Variants in SOST observed in about 807,000 individuals in gnomAD.
SOST encodes sclerostin, also known as sclerosteosis.
A neutral mutation model predicts 16.7 loss-of-function variants in SOST; 14 were observed. That is an observed-to-expected ratio of 0.84 (90% CI 0.55 to 1.31). The LOEUF is 1.31. SOST is among the 50% of genes most tolerant of loss of function. The pLI is 0.00. For synonymous variants in SOST, 150 were observed against 140.9 expected (o/e 1.06, Z -0.46); for missense variants, 291 against 310.7 (o/e 0.94, Z 0.48).
At chr17:43,757,004 C>A (rs556644658) in intron 1 of SOST, among the ~76,000 whole-genome samples, 5 of 152,328 alleles carry the variant, frequency 3.3e-5, no homozygotes, top group African/African-American at 1.2e-4. Flanking sequence ...GGCCACCCCC[C>A]ACCCCCACTC....
chr17:43,758,499 G>C, intron 1 of SOST, 23 bp downstream of exon 1: 3 of 1,589,970 alleles, frequency 1.9e-6, no homozygotes, highest in Non-Finnish European at 2.6e-6. Context: ...CTTTTACTAA[G>C]AATTCTCTCC....
At chr17:43,757,941 T>C (rs1373795149) in intron 1 of SOST, among the ~76,000 whole-genome samples, 1 of 152,192 alleles carries the variant, frequency 6.6e-6, no homozygotes, top group East Asian at 1.9e-4. Flanking sequence ...ACCAGGGCTA[T>C]CTTGCAGTTG....
rs879666342 is a variant in SOST, at chr17:43,755,588, G to C, written c.396C>G (p.Phe132Leu). ...CGCGGTAGCGGTCGGGGATGCAGCG[G>C]AAGTCGGGCCCACTAGGTCGCCACC... ...GKWWRPSGPD[F>L]RCIPDRYRAQ... The change falls in exon 2 of 2, where the codon TTC (phenylalanine) becomes TTG (leucine). Residue 132 changes from phenylalanine (F) to leucine (L), a missense_variant. By Grantham distance (22) the Phe-to-Leu change is conservative. Transcript: ENST00000301691. This position sits in a 1 kb window ranked among gnomAD's most constrained non-coding sequence, Gnocchi z 4.3. 2.4e-5 allele frequency: 39 copies of C among 1,592,396 alleles called. No individual in the cohort carries two copies. Among genetic ancestry groups the C allele is most frequent in the Non-Finnish European group, 3.1e-5 (36 of 1,175,392 alleles).
At chr17:43,757,290 T>C (rs1450808311) in intron 1 of SOST, among the ~76,000 whole-genome samples, 2 of 152,218 alleles carry the variant, frequency 1.3e-5, no homozygotes, top group Admixed American at 6.5e-5. Context: ...CATTTTGTGT[T>C]TGGGTTCCTT....
At chr17:43,758,204 G>A (rs1170354540) in intron 1 of SOST, among the ~76,000 whole-genome samples, 2 of 152,126 alleles carry the variant, frequency 1.3e-5, no homozygotes, top group Non-Finnish European at 2.9e-5. Flanking sequence ...ATTCCCAGGA[G>A]GAGATTCTTT....
At position 43,755,368 on chromosome 17, in the gene SOST, G is replaced by T; in HGVS notation, c.616C>A (p.Gln206Lys). 5.7e-6 allele frequency: 9 copies of T among 1,587,838 alleles called. No homozygotes were observed. Among genetic ancestry groups the T allele is most frequent in the Non-Finnish European group, 7.7e-6 (9 of 1,175,728 alleles). Residue 206 changes from glutamine to lysine, a missense_variant, in exon 2 of 2, where the codon CAG (glutamine) becomes AAG (lysine). Transcript: ENST00000301691. This position sits in a 1 kb window ranked among gnomAD's most constrained non-coding sequence, Gnocchi z 4.3. ...TAGTAGGCGTTCTCCAGCTCGGCCTGGTTGGCTTTGGCGCTCCGGGCGCGG... is the reference window on the plus strand; with the variant it reads ...TAGTAGGCGTTCTCCAGCTCGGCCTTGTTGGCTTTGGCGCTCCGGGCGCGG... ...RPRARSAKAN[Q>K]AELENAY
rs756754655 is a variant in SOST, at chr17:43,755,571, C to T, written c.413G>A (p.Arg138His). ...SGPDFRCIPD[R>H]YRAQRVQLLC... ...CAGCTGCACGCGCTGCGCGCGGTAG[C>T]GGTCGGGGATGCAGCGGAAGTCGGG... The change falls in exon 2 of 2, where the codon CGC becomes CAC. Residue 138 changes from arginine to histidine, a missense_variant. Coordinates refer to ENST00000301691, the MANE Select transcript of SOST (RefSeq NM_025237.3). The surrounding 1 kb of genome is among the most constrained non-coding windows in gnomAD (Gnocchi z 4.3). 1.3e-6 allele frequency: 2 copies of T among 1,593,942 alleles called. No homozygotes were observed. The highest frequency in any genetic ancestry group is 1.4e-5 in the African/African-American group (1 of 73,270).
Position 43,755,146 on chromosome 17 carries a change from C to T in SOST, c.*196G>A. 1.8e-6 allele frequency: 1 copy of T among 542,716 alleles called. No homozygotes were observed. Among genetic ancestry groups the T allele is most frequent in the Non-Finnish European group, 3.1e-6 (1 of 319,606 alleles). The allele number at this position is 542,716 out of a possible 1,614,324, so 33.6% of individuals were successfully genotyped here. The stretch of plus-strand genomic sequence containing the variant: ...CAATTCCCTCCCCTGCCCCGTGGGA[C>T]CCCTCAGCTGGCGGGCTGAGGGGGG... On this transcript the variant is annotated 3_prime_UTR_variant, in exon 2 of 2. Transcript: ENST00000301691. The surrounding 1 kb of genome is among the most constrained non-coding windows in gnomAD (Gnocchi z 4.3).
At position 43,754,123 on chromosome 17, in the gene SOST, T is replaced by C. The variant is rs1339413744; in HGVS notation, c.*1219A>G. ...GCATATGTACAGCACTTGTAGTTTT[T>C]CCCCCAATAATATTCTTTTAGTGTA... On this transcript the variant is annotated 3_prime_UTR_variant, in exon 2 of 2. Transcript: ENST00000301691. 6.6e-6 allele frequency: 1 copy of C among 152,200 alleles called. No individual in the cohort carries two copies. The highest frequency in any genetic ancestry group is 1.5e-5 in the Non-Finnish European group (1 of 68,030). The allele number at this position is 152,200 out of a possible 1,614,324, so 9.4% of individuals were successfully genotyped here.
Position 43,755,812 on chromosome 17 carries a change from G to T in SOST, c.221-49C>A. 1 of 1,532,950 alleles carries T rather than the reference G, an allele frequency of 6.5e-7. No individual in the cohort carries two copies. Among genetic ancestry groups the T allele is most frequent in the Non-Finnish European group, 8.7e-7 (1 of 1,145,746 alleles). The allele number at this position is 1,532,950 out of a possible 1,614,324, so 95.0% of individuals were successfully genotyped here. A position where few individuals can be genotyped will look rare whatever the true frequency, so the allele number is the denominator to read the frequency against. ...GGTGGCCGCCCGCCTGGCCACCCCT[G>T]CCCTGGACCGGCCCGTCTCTCTCCA... On this transcript the variant is annotated intron_variant, in intron 1 of 1. Coordinates refer to ENST00000301691, the MANE Select transcript of SOST (RefSeq NM_025237.3). This position sits in a 1 kb window ranked among gnomAD's most constrained non-coding sequence, Gnocchi z 4.3.
chr17:43,755,815 C>G lies in SOST; in HGVS notation c.221-52G>C, dbSNP rs1455166718. ...GGCCGCCCGCCTGGCCACCCCTGCC[C>G]TGGACCGGCCCGTCTCTCTCCACCC... On this transcript the variant is annotated intron_variant, in intron 1 of 1. Coordinates refer to ENST00000301691, the MANE Select transcript of SOST (RefSeq NM_025237.3). The surrounding 1 kb of genome is among the most constrained non-coding windows in gnomAD (Gnocchi z 4.3). 10 of 1,530,774 alleles carry G rather than the reference C, an allele frequency of 6.5e-6. No homozygotes were observed. The highest frequency in any genetic ancestry group is 8.7e-6 in the Non-Finnish European group (10 of 1,144,584). 94.8% of individuals were successfully genotyped at this position (1,530,774 alleles called of 1,614,324 possible). A position where few individuals can be genotyped will look rare whatever the true frequency, so the allele number is the denominator to read the frequency against.
chr17:43,756,983 G>A (rs189073125), intron 1 of SOST, among the ~76,000 whole-genome samples: 22 of 152,220 alleles, frequency 1.4e-4, no homozygotes, highest in African/African-American at 4.8e-4. Context: ...AACCAGAGAG[G>A]GGACAGAGAA....
At chr17:43,756,292 C>T (rs1974129941) in intron 1 of SOST, among the ~76,000 whole-genome samples, 1 of 152,052 alleles carries the variant, frequency 6.6e-6, no homozygotes, top group South Asian at 2.1e-4. Context: ...CTTTTCCAGC[C>T]ACTTGGGAGG....
chr17:43,753,820 C>T lies in SOST; in HGVS notation c.*1522G>A, dbSNP rs1974096861. On this transcript the variant is annotated 3_prime_UTR_variant, in exon 2 of 2. Coordinates refer to ENST00000301691, the MANE Select transcript of SOST (RefSeq NM_025237.3). The stretch of plus-strand genomic sequence containing the variant: ...ATTCATAAAGCAATATTAACATTGT[C>T]ATTCTCTACAAGAAAAACTTTTGCA... The T allele has an allele frequency of 6.6e-6, 1 of 152,598 alleles. No homozygotes were observed. Among genetic ancestry groups the T allele is most frequent in the Non-Finnish European group, 1.5e-5 (1 of 68,028 alleles). The allele number at this position is 152,598 out of a possible 1,614,324, so 9.5% of individuals were successfully genotyped here.
intron 1 of SOST, 79 bp downstream of exon 1, chr17:43,758,443 G>T: frequency 8.5e-7 from 1 of 1,175,762 alleles, no homozygotes. Flanking sequence ...GTCTACCCCA[G>T]TCTTCCAAGC....
chr17:43,755,593 C>A lies in SOST; in HGVS notation c.391G>T (p.Asp131Tyr), dbSNP rs1264311335. 1.9e-6 allele frequency: 3 copies of A among 1,591,308 alleles called. No homozygotes were observed. Among genetic ancestry groups the A allele is most frequent in the Non-Finnish European group, 2.6e-6 (3 of 1,174,946 alleles). The change falls in exon 2 of 2, where the codon GAC becomes TAC. Residue 131 changes from aspartate (D) to tyrosine (Y), a missense_variant. Asp to Tyr is a radical substitution (Grantham distance 160). Transcript: ENST00000301691. The surrounding 1 kb of genome is among the most constrained non-coding windows in gnomAD (Gnocchi z 4.3). ...RGKWWRPSGP[D>Y]FRCIPDRYRA... ...TAGCGGTCGGGGATGCAGCGGAAGT[C>A]GGGCCCACTAGGTCGCCACCACTTG... is the stretch of plus-strand genomic sequence containing the variant.
Position 43,755,396 on chromosome 17 carries a change from C to A in SOST, c.588G>T (p.Arg196=), listed in dbSNP as rs1158843731. The change falls in exon 2 of 2, where the codon CGG becomes CGT. Residue 196 remains arginine (R), a synonymous_variant. Transcript: ENST00000301691. This position sits in a 1 kb window ranked among gnomAD's most constrained non-coding sequence, Gnocchi z 4.3. ...AARPQKGRKP[R]PRARSAKANQ... is the part of the protein sequence containing the mutation. ...TGGCTTTGGCGCTCCGGGCGCGGGG[C>A]CGCGGCTTCCGGCCCTTCTGCGGCC... The A allele has an allele frequency of 6.3e-7, 1 of 1,590,432 alleles. No individual in the cohort carries two copies. The highest frequency in any genetic ancestry group is 2.3e-5 in the East Asian group (1 of 43,886).
chr17:43,755,931 A>G lies in SOST; in HGVS notation c.221-168T>C, dbSNP rs1299760873. ...CCCAGATGCTCTAGAGCTGGTGGAA[A>G]GCTCTCCTGCGCACCCTGTCCCCTC... On this transcript the variant is annotated intron_variant, in intron 1 of 1. Transcript: ENST00000301691. This position sits in a 1 kb window ranked among gnomAD's most constrained non-coding sequence, Gnocchi z 4.3. Among the ~76,000 whole-genome samples, 1 of 152,154 alleles carries G rather than the reference A, an allele frequency of 6.6e-6. No homozygotes were observed. Among genetic ancestry groups the G allele is most frequent in the Non-Finnish European group, 1.5e-5 (1 of 68,024 alleles).
intron 1 of SOST, among the ~76,000 whole-genome samples, chr17:43,756,522 G>T (rs1974132102): frequency 6.6e-6 from 1 of 152,168 alleles, no homozygotes; most frequent in African/African-American, 2.4e-5. Context: ...TGCATCTCCG[G>T]ACTCCACTTC....
Sources: gnomAD v4.1 joint callset for allele counts (sites outside exome capture counted in the v4.1 genomes callset) on GRCh38, gnomAD v4.1.1 for gene constraint, Gnocchi (gnomAD v3.1) non-coding constraint, MANE v1.5 for transcripts, NCBI Gene and HGNC (gene_info 2026-07-23, HGNC 2026-07-21) for gene names.